Variants in PATJ observed in about 807,000 individuals in gnomAD.
The protein encoded by PATJ is inaD-like protein.
PATJ carries 190 observed loss-of-function variants against 224.9 expected under a neutral mutation model. The ratio of observed to expected loss-of-function variants is 0.84; its 90% CI spans 0.75 to 0.95. PATJ has a LOEUF of 0.95. Among genes scored for constraint, PATJ ranks in the 40% least tolerant of loss-of-function variants. The pLI is 0.00. For synonymous variants in PATJ, 769 were observed against 820.3 expected (o/e 0.94, Z 1.07); for missense variants, 2,121 against 2,270.3 (o/e 0.93, Z 1.34).
chr1:61,872,769 C>T (rs777563685), intron 20 of PATJ, among the ~76,000 whole-genome samples: 50 of 152,304 alleles, frequency 3.3e-4, no homozygotes, highest in Non-Finnish European at 6.8e-4. Flanking sequence ...ACTCAGTCCT[C>T]TCTTGCTGAA....
intron 31 of PATJ, among the ~76,000 whole-genome samples, chr1:62,069,110 G>A (rs1656975288): frequency 6.6e-6 from 1 of 152,282 alleles, no homozygotes; most frequent in South Asian, 2.1e-4. Context: ...AAATAAGCAG[G>A]CATGACTTGT....
At chr1:61,859,215 C>T (rs940825775) in intron 18 of PATJ, among the ~76,000 whole-genome samples, 2 of 152,088 alleles carry the variant, frequency 1.3e-5, no homozygotes, top group Non-Finnish European at 2.9e-5. Context: ...AAAACAAAAA[C>T]GAGTTGGTAG....
At chr1:61,904,016 C>T (rs922064626) in intron 24 of PATJ, among the ~76,000 whole-genome samples, 4 of 152,068 alleles carry the variant, frequency 2.6e-5, no homozygotes, top group African/African-American at 9.7e-5. Flanking sequence ...TCAGGTGATC[C>T]GCCCACCTCA....
At chr1:61,886,706 G>A (rs1668890826) in intron 22 of PATJ, among the ~76,000 whole-genome samples, 2 of 151,694 alleles carry the variant, frequency 1.3e-5, no homozygotes, top group Non-Finnish European at 2.9e-5. Flanking sequence ...TGTAACCCCA[G>A]CTACTCTGGT....
Position 61,766,424 on chromosome 1 carries a change from C to A in PATJ, c.335C>A (p.Pro112Gln). The change falls in exon 4 of 44, where the codon CCG (proline) becomes CAG (glutamine). Residue 112 changes from proline to glutamine, a missense_variant. Pro to Gln is a moderately conservative substitution (Grantham distance 76). Coordinates refer to ENST00000642238, the MANE Select transcript of PATJ (RefSeq NM_001350145.3). ...STVSGLFPWT[P>Q]KLGNEDFNSV... ...GTATCTGGGTTATTTCCGTGGACCC[C>A]GAAGTTGGGAAATGAAGACTTTAAC... 2 of 1,609,376 alleles carry A rather than the reference C, an allele frequency of 1.2e-6. No individual in the cohort carries two copies. The highest frequency in any genetic ancestry group is 1.7e-6 in the Non-Finnish European group (2 of 1,178,662).
chr1:62,129,988 A>G (rs550790143), intron 41 of PATJ, among the ~76,000 whole-genome samples: 9 of 152,234 alleles, frequency 5.9e-5, no homozygotes, highest in Non-Finnish European at 1.0e-4. Flanking sequence ...AAAGCCCACC[A>G]CTTACTACCT....
rs528385954 is a variant in PATJ, at chr1:61,819,619, G to T, written c.1684-3326G>T. On this transcript the variant is annotated intron_variant, in intron 14 of 43. Transcript: ENST00000642238. Reference sequence around the variant, plus strand: ...CAGCGTGGGGCGGCAGGCGGCGGTGGGGGGGCGCGGGTGGGAAGGCAGCTC... The same window carrying T: ...CAGCGTGGGGCGGCAGGCGGCGGTGTGGGGGCGCGGGTGGGAAGGCAGCTC... Among the ~76,000 whole-genome samples the T allele has an allele frequency of 3.3e-5, 5 of 152,252 alleles. No individual in the cohort carries two copies. In the South Asian group the frequency reaches 1.0e-3, roughly 32 times the overall value.
At chr1:61,878,435 T>A (rs10889262) in intron 21 of PATJ, among the ~76,000 whole-genome samples, 1 of 151,930 alleles carries the variant, frequency 6.6e-6, no homozygotes, top group Non-Finnish European at 1.5e-5. Context: ...CATTGCCAAC[T>A]GATTGGACCC....
intron 27 of PATJ, among the ~76,000 whole-genome samples, chr1:61,950,249 C>T (rs1405428172): frequency 2.6e-5 from 4 of 152,108 alleles, no homozygotes; most frequent in Admixed American, 6.6e-5. Context: ...TCAACAGCAA[C>T]GTATTTTTTT....
chr1:62,092,738 A>T (rs958815534), intron 33 of PATJ, among the ~76,000 whole-genome samples: 3 of 151,344 alleles, frequency 2.0e-5, no homozygotes, highest in Admixed American at 6.6e-5. Context: ...TTATTTATTT[A>T]TTTATTTATT....
intron 26 of PATJ, among the ~76,000 whole-genome samples, chr1:61,925,417 A>G (rs1418226671): frequency 6.6e-6 from 1 of 152,236 alleles, no homozygotes; most frequent in Non-Finnish European, 1.5e-5. Context: ...AACTTCATTT[A>G]TTCCTACTAT....
chr1:61,850,200 G>A (rs963232350), intron 17 of PATJ, among the ~76,000 whole-genome samples: 6 of 152,094 alleles, frequency 3.9e-5, no homozygotes, highest in Non-Finnish European at 5.9e-5. Context: ...CCACCTCTCC[G>A]CTCTAGGTGA....
intron 27 of PATJ, among the ~76,000 whole-genome samples, chr1:61,984,591 A>G (rs147870465): frequency 7.9e-5 from 12 of 152,208 alleles, no homozygotes; most frequent in Admixed American, 7.2e-4. Context: ...TGAATAACTC[A>G]TCTGTTAGCA....
chr1:62,108,175 G>A (rs1663339212), intron 33 of PATJ, among the ~76,000 whole-genome samples: 1 of 152,174 alleles, frequency 6.6e-6, no homozygotes, highest in African/African-American at 2.4e-5. Flanking sequence ...CAGCAGCAAT[G>A]TACAGGGTTA....
At chr1:61,780,868 G>T (rs1313390785) in intron 7 of PATJ, among the ~76,000 whole-genome samples, 1 of 152,186 alleles carries the variant, frequency 6.6e-6, no homozygotes. Flanking sequence ...GCCCAAGTCT[G>T]ATTTTCGCCC....
At chr1:62,014,344 C>T (rs1225142488) in intron 28 of PATJ, among the ~76,000 whole-genome samples, 1 of 152,008 alleles carries the variant, frequency 6.6e-6, no homozygotes, top group Non-Finnish European at 1.5e-5. Flanking sequence ...GCATGAGCCA[C>T]CACACCTGGC....
chr1:61,848,701 G>C (rs887477881), intron 17 of PATJ, among the ~76,000 whole-genome samples: 1 of 151,934 alleles, frequency 6.6e-6, no homozygotes, highest in Non-Finnish European at 1.5e-5. Context: ...CACTATGCCC[G>C]GCCAGCTGTC....
At chr1:61,835,397 T>G (rs551967317) in intron 17 of PATJ, among the ~76,000 whole-genome samples, 2 of 152,116 alleles carry the variant, frequency 1.3e-5, no homozygotes, top group Admixed American at 1.3e-4. Flanking sequence ...CCTTTTTGTT[T>G]GTTTGTTTGT....
chr1:61,990,465 A>G lies in PATJ; in HGVS notation c.3867+101A>G, dbSNP rs1405371517. 5 of 727,040 alleles carry G rather than the reference A, an allele frequency of 6.9e-6. No homozygotes were observed. In the East Asian group the frequency reaches 1.5e-4, roughly 22 times the overall value. 45.0% of individuals were successfully genotyped at this position (727,040 alleles called of 1,614,324 possible). On this transcript the variant is annotated intron_variant, in intron 28 of 43. Transcript: ENST00000642238. ...TGAAAGGGAAGAATGATGTCAAATTATATTTCCTTCAACTACTTAAAATCA... is the reference window on the plus strand; with the variant it reads ...TGAAAGGGAAGAATGATGTCAAATTGTATTTCCTTCAACTACTTAAAATCA...
Sources: gnomAD v4.1 joint callset for allele counts (sites outside exome capture counted in the v4.1 genomes callset) on GRCh38, gnomAD v4.1.1 for gene constraint, MANE v1.5 for transcripts, NCBI Gene and HGNC (gene_info 2026-07-23, HGNC 2026-07-21) for gene names.